MYH9: variants seen among roughly 807,000 people sequenced by gnomAD.
MYH9 encodes myosin heavy chain 9.
MYH9 carries 29 observed loss-of-function variants against 241.9 expected under a neutral mutation model. The ratio of observed to expected loss-of-function variants is 0.12; its 90% confidence interval spans 0.09 to 0.16. The LOEUF is 0.16. MYH9 is among the 10% of genes least tolerant of loss of function. The pLI is 1.00. For synonymous variants in MYH9, 1,047 were observed against 1,062.6 expected (o/e 0.99, Z 0.29); for missense variants, 1,803 against 2,595.5 (o/e 0.69, Z 6.63).
chr22:36,314,099 G>C (rs1422914442), intron 13 of MYH9, 46 bp downstream of exon 13: 1 of 1,593,834 alleles, frequency 6.3e-7, no homozygotes, highest in Admixed American at 1.7e-5. Context: ...CCCCGGAAGG[G>C]AAAAGCCAGA....
In MYH9 at chr22:36,300,752, T is replaced by C. The variant is rs1427464125; in HGVS notation, c.2838+99A>G. The C allele has an allele frequency of 7.2e-7, 1 of 1,389,778 alleles. No homozygotes were observed. The highest frequency in any genetic ancestry group is 1.0e-6 in the Non-Finnish European group (1 of 999,282). The allele number at this position is 1,389,778 out of a possible 1,614,324, so 86.1% of individuals were successfully genotyped here. ...CAGATTGCGTGAGGAGCAGCCTCCT[T>C]GGACCCTAATTCCATGTTCTCCCAG... On this transcript the variant is annotated intron_variant, in intron 22 of 40. Transcript: ENST00000216181. This position sits in a 1 kb window ranked among gnomAD's most constrained non-coding sequence, Gnocchi z 5.0.
intron 15 of MYH9, chr22:36,308,685 G>T (rs904022901): frequency 1.3e-5 from 5 of 388,836 alleles, no homozygotes; most frequent in Admixed American, 7.0e-5. Context: ...CAGGGAACGG[G>T]GGTGTAAGCA....
chr22:36,382,355 A>G (rs1175186911), intron 1 of MYH9, among the ~76,000 whole-genome samples: 1 of 151,652 alleles, frequency 6.6e-6, no homozygotes, highest in East Asian at 1.9e-4. Flanking sequence ...GGCGCCTGTA[A>G]TCCCAGCTAC....
intron 40 of MYH9, 106 bp downstream of exon 40, chr22:36,283,987 C>CG: frequency 1.4e-6 from 2 of 1,384,406 alleles, no homozygotes; most frequent in Admixed American, 1.7e-5. Flanking sequence ...TTTGTGCAGT[C>CG]CTTTCTTGGT....
chr22:36,320,971 G>C lies in MYH9; in HGVS notation c.770-75C>G. 2.4e-6 allele frequency: 3 copies of C among 1,225,286 alleles called. No homozygotes were observed. Among genetic ancestry groups the C allele is most frequent in the Non-Finnish European group, 3.5e-6 (3 of 860,522 alleles). The allele number at this position is 1,225,286 out of a possible 1,614,324, so 75.9% of individuals were successfully genotyped here. On this transcript the variant is annotated intron_variant, in intron 7 of 40. Coordinates refer to ENST00000216181, the MANE Select transcript of MYH9 (RefSeq NM_002473.6). The surrounding 1 kb of genome is among the most constrained non-coding windows in gnomAD (Gnocchi z 4.8). Reference sequence around the variant, plus strand: ...CACTTTCCTCATTTTTTTTTTTTTGGAGACAGAGTCTCGCTCTGTCACCCA... The same window carrying C: ...CACTTTCCTCATTTTTTTTTTTTTGCAGACAGAGTCTCGCTCTGTCACCCA...
intron 1 of MYH9, among the ~76,000 whole-genome samples, chr22:36,382,345 G>A (rs556174492): frequency 1.5e-4 from 23 of 151,080 alleles, no homozygotes; most frequent in African/African-American, 4.9e-4. Flanking sequence ...CGTGGTGGCA[G>A]GCGCCTGTAA....
chr22:36,381,255 C>T (rs866808205), intron 1 of MYH9, among the ~76,000 whole-genome samples: 1 of 152,136 alleles, frequency 6.6e-6, no homozygotes, highest in Admixed American at 6.6e-5. Flanking sequence ...TGGCTCATGC[C>T]TGTAATCCCA....
rs141260918 is a variant in MYH9 at position 36,353,939 on chromosome 22, C to T, written c.-19-4684G>A. On this transcript the variant is annotated intron_variant, in intron 1 of 40. Transcript: ENST00000216181. ...TTTTTGAGATGAAGTCTTGCTCTGT[C>T]ACCCAGGCTAGAGTGCAATGGCACG... is the stretch of plus-strand genomic sequence containing the variant. Among the ~76,000 whole-genome samples the T allele has an allele frequency of 3.1e-3, 464 of 152,068 alleles. 2 individuals are homozygous for T. Among genetic ancestry groups the T allele is most frequent in the African/African-American group, 0.011 (436 of 41,492 alleles).
chr22:36,282,038 C>T lies in MYH9; in HGVS notation c.*630G>A, dbSNP rs572799033. The T allele has an allele frequency of 9.0e-5, 21 of 234,420 alleles. No homozygotes were observed. The highest frequency in any genetic ancestry group is 1.1e-4 in the African/African-American group (5 of 45,414). The allele number at this position is 234,420 out of a possible 1,614,324, so 14.5% of individuals were successfully genotyped here. On this transcript the variant is annotated 3_prime_UTR_variant, in exon 41 of 41. Transcript: ENST00000216181. ...TCAGGAGGGAGACAGCGGACAGTGG[C>T]GCTGCCTGGGACAGGGTGGGGAGGA...
chr22:36,304,218 G>A, intron 18 of MYH9, 63 bp from the exon 19 acceptor site: 1 of 1,574,730 alleles, frequency 6.4e-7, no homozygotes, highest in Non-Finnish European at 8.7e-7. Flanking sequence ...TGAAAGGGTG[G>A]CCCAGGCACA....
At chr22:36,317,299 TTTAA>T (rs1206419832) in intron 11 of MYH9, among the ~76,000 whole-genome samples, 5 of 152,086 alleles carry the variant, frequency 3.3e-5, no homozygotes, top group African/African-American at 1.2e-4. Context: ...GAGAACTAAG[TTTAA>T]TTCTTTTTTT....
intron 3 of MYH9, among the ~76,000 whole-genome samples, chr22:36,331,152 G>A (rs1253557070): frequency 1.3e-5 from 2 of 152,046 alleles, no homozygotes; most frequent in Non-Finnish European, 2.9e-5. Flanking sequence ...CCTGGGTTCC[G>A]CTCTTCCCCA....
At position 36,320,956 on chromosome 22, in the gene MYH9, AT is replaced by A. The variant is rs61051159; in HGVS notation, c.770-61del. The A allele has an allele frequency of 0.14, 147,373 of 1,052,432 alleles. 4 individuals are homozygous for A. Among genetic ancestry groups the A allele is most frequent in the South Asian group, 0.18 (8,877 of 49,780 alleles). The allele number at this position is 1,052,432 out of a possible 1,614,324, so 65.2% of individuals were successfully genotyped here. A position where few individuals can be genotyped will look rare whatever the true frequency, so the allele number is the denominator to read the frequency against. ...AGAAGGCAAGCCCTCCACTTTCCTC[AT>A]TTTTTTTTTTTTGGAGACAGAGTCT... On this transcript the variant is annotated intron_variant, in intron 7 of 40. Coordinates refer to ENST00000216181, the MANE Select transcript of MYH9 (RefSeq NM_002473.6). This position sits in a 1 kb window ranked among gnomAD's most constrained non-coding sequence, Gnocchi z 4.8.
chr22:36,294,566 T>C (rs900102114), intron 27 of MYH9, among the ~76,000 whole-genome samples: 6 of 152,224 alleles, frequency 3.9e-5, no homozygotes, highest in African/African-American at 1.4e-4. Flanking sequence ...CCTTCTGCCC[T>C]GGGTAGAGGC....
intron 35 of MYH9, 27 bp downstream of exon 35, chr22:36,286,691 G>A (rs1603482750): frequency 6.2e-7 from 1 of 1,609,766 alleles, no homozygotes; most frequent in African/African-American, 1.3e-5. Context: ...GGGCAGCGGT[G>A]CCGCTCTCCA....
Position 36,288,977 on chromosome 22 carries a change from T to G in MYH9, c.4558-38A>C, listed in dbSNP as rs2016638572. 6.2e-7 allele frequency: 1 copy of G among 1,613,324 alleles called. No homozygotes were observed. Among genetic ancestry groups the G allele is most frequent in the Non-Finnish European group, 8.5e-7 (1 of 1,179,938 alleles). ...GAGCCCAAGTCAGGAGCAAAGGGAC[T>G]GGCAGGTACCTGGGTCTGCGCGACC... On this transcript the variant is annotated intron_variant, in intron 32 of 40. Transcript: ENST00000216181. The surrounding 1 kb of genome is among the most constrained non-coding windows in gnomAD (Gnocchi z 4.8).
At chr22:36,340,254 G>A (rs1041179462) in intron 3 of MYH9, among the ~76,000 whole-genome samples, 2 of 151,604 alleles carry the variant, frequency 1.3e-5, no homozygotes, top group African/African-American at 4.8e-5. Flanking sequence ...ATAGCTCTGG[G>A]GGAATGAGGA....
chr22:36,288,992 T>A lies in MYH9; in HGVS notation c.4558-53A>T. 1 of 1,612,230 alleles carries A rather than the reference T, an allele frequency of 6.2e-7. No homozygotes were observed. Among genetic ancestry groups the A allele is most frequent in the South Asian group, 1.1e-5 (1 of 91,052 alleles). ...GCAAAGGGACTGGCAGGTACCTGGG[T>A]CTGCGCGACCCGGAGTCTGTGCACA... On this transcript the variant is annotated intron_variant, in intron 32 of 40. Coordinates refer to ENST00000216181, the MANE Select transcript of MYH9 (RefSeq NM_002473.6). This position sits in a 1 kb window ranked among gnomAD's most constrained non-coding sequence, Gnocchi z 4.8.
At chr22:36,367,912 T>C (rs925359506) in intron 1 of MYH9, among the ~76,000 whole-genome samples, 5 of 152,108 alleles carry the variant, frequency 3.3e-5, no homozygotes, top group Admixed American at 1.3e-4. Context: ...CACACAGATA[T>C]GCATGCACAC....
Sources: allele counts gnomAD v4.1 joint callset (sites outside exome capture counted in the v4.1 genomes callset), GRCh38; gene constraint gnomAD v4.1.1; non-coding constraint Gnocchi (gnomAD v3.1); transcripts MANE v1.5; gene names NCBI Gene and HGNC (gene_info 2026-07-23, HGNC 2026-07-21).